Variants in TCF20 observed in about 807,000 individuals in gnomAD.
TCF20 encodes transcription factor 20.
A neutral mutation model predicts 148.6 loss-of-function variants in TCF20; 3 were observed. The ratio of observed to expected loss-of-function variants is 0.02; its 90% CI spans 0.01 to 0.05. The LOEUF (loss-of-function observed/expected upper bound fraction) is 0.05, where lower values mean the gene tolerates loss of function less well. TCF20 is among the 10% of genes least tolerant of loss of function. The pLI, the probability that TCF20 is intolerant of heterozygous loss-of-function variation, is 1.00. For missense variants in TCF20, 2,350 were observed against 2,429.3 expected (o/e 0.97, Z 0.69); for synonymous variants, 1,049 against 909.5 (o/e 1.15, Z -2.76).
chr22:42,216,180 C>T (rs150660649), intron 1 of TCF20, among the ~76,000 whole-genome samples: 1 of 138,494 alleles, frequency 7.2e-6, no homozygotes, highest in African/African-American at 2.7e-5. Flanking sequence ...GCATCAAACA[C>T]CTGGCTTCAA....
At chr22:42,225,000 C>CTTTTT (rs34550174) in intron 1 of TCF20, among the ~76,000 whole-genome samples, 6 of 130,266 alleles carry the variant, frequency 4.6e-5, no homozygotes, top group African/African-American at 8.7e-5. Flanking sequence ...GAAATAATCA[C>CTTTTT]TTTTTTTTTT....
At chr22:42,222,390 G>A (rs965110588) in intron 1 of TCF20, among the ~76,000 whole-genome samples, 3 of 151,794 alleles carry the variant, frequency 2.0e-5, no homozygotes, top group Non-Finnish European at 4.4e-5. Flanking sequence ...TTCCATTCTC[G>A]TCACTGTCAT....
intron 1 of TCF20, among the ~76,000 whole-genome samples, chr22:42,320,548 C>G (rs1002690924): frequency 2.6e-5 from 4 of 152,222 alleles, no homozygotes; most frequent in Non-Finnish European, 5.9e-5. Context: ...ATTTGTCCAT[C>G]AAGTGAACAT....
At chr22:42,217,646 T>TG (rs2147234570) in intron 1 of TCF20, among the ~76,000 whole-genome samples, 1 of 152,260 alleles carries the variant, frequency 6.6e-6, no homozygotes, top group East Asian at 1.9e-4. Flanking sequence ...TATTCAGAGA[T>TG]GGTGCTGTGG....
At chr22:42,324,070 ATGGTGG>A (rs200914746) in intron 1 of TCF20, among the ~76,000 whole-genome samples, 1 of 7,752 alleles carries the variant, frequency 1.3e-4, no homozygotes, top group African/African-American at 3.4e-4. Flanking sequence ...GATGGAGGTT[ATGGTGG>A]TGGTGGTGGT....
At position 42,205,280 on chromosome 22, in the gene TCF20, T is replaced by A. The variant is rs533433406; in HGVS notation, c.5655+4371A>T. ...TGAATAGATTCACAAGTCCCACACTTGTGGGAAGGGAAAAAGGAAGGGAAA... is the reference window on the plus strand; with the variant it reads ...TGAATAGATTCACAAGTCCCACACTAGTGGGAAGGGAAAAAGGAAGGGAAA... On this transcript the variant is annotated intron_variant, in intron 2 of 5. Coordinates refer to ENST00000677622, the MANE Select transcript of TCF20 (RefSeq NM_001378418.1). Among the ~76,000 whole-genome samples, 39 of 136,712 alleles carry A rather than the reference T, an allele frequency of 2.9e-4. 1 individual carries two copies. The South Asian group carries it at 9.0e-3, about 32-fold the overall frequency. 89.7% of individuals were successfully genotyped at this position (136,712 alleles called of 152,430 possible).
intron 2 of TCF20, among the ~76,000 whole-genome samples, chr22:42,187,369 C>A (rs911456964): frequency 2.6e-5 from 4 of 152,172 alleles, no homozygotes; most frequent in Non-Finnish European, 5.9e-5. Context: ...CCCATAAAAG[C>A]CCCAATCAAA....
intron 1 of TCF20, among the ~76,000 whole-genome samples, 84 bp downstream of exon 1, chr22:42,270,255 G>A (rs1276082793): frequency 4.6e-5 from 7 of 151,290 alleles, no homozygotes; most frequent in Non-Finnish European, 8.9e-5. Flanking sequence ...TCTGCTCCCA[G>A]CCCCCGAGGC....
intron 1 of TCF20, among the ~76,000 whole-genome samples, chr22:42,256,215 T>C (rs1177738997): frequency 6.6e-6 from 1 of 152,228 alleles, no homozygotes; most frequent in African/African-American, 2.4e-5. Flanking sequence ...CAATCATTCA[T>C]ACGTTTGATA....
intron 3 of TCF20, among the ~76,000 whole-genome samples, chr22:42,172,633 T>G (rs1364560739): frequency 6.6e-6 from 1 of 152,218 alleles, no homozygotes; most frequent in African/African-American, 2.4e-5. Context: ...ACTAAGCTCC[T>G]CATTATAAGC....
Position 42,190,459 on chromosome 22 carries a change from G to GACAC in TCF20, c.5656-10761_5656-10758dup, listed in dbSNP as rs34881449. ...TGGATGACAGGGCAAGACCTTGACT[G>GACAC]ACACACACACACACACACACCCTGC... On this transcript the variant is annotated intron_variant, in intron 2 of 5. Transcript: ENST00000677622. Among the ~76,000 whole-genome samples the GACAC allele has an allele frequency of 7.2e-3, 1,076 of 149,406 alleles. 10 individuals are homozygous for GACAC. The highest frequency in any genetic ancestry group is 8.9e-3 in the Non-Finnish European group (596 of 67,060).
intron 3 of TCF20, among the ~76,000 whole-genome samples, chr22:42,176,297 G>A (rs1936446037): frequency 6.6e-6 from 1 of 152,176 alleles, no homozygotes; most frequent in African/African-American, 2.4e-5. Context: ...GGGGAGGTAA[G>A]GGCAAGAAGG....
At chr22:42,204,405 G>A (rs770961721) in intron 2 of TCF20, among the ~76,000 whole-genome samples, 2 of 152,162 alleles carry the variant, frequency 1.3e-5, no homozygotes, top group Non-Finnish European at 2.9e-5. Context: ...TGAGACAGGA[G>A]AATCACTTGA....
At chr22:42,189,706 A>C (rs1367815503) in intron 2 of TCF20, among the ~76,000 whole-genome samples, 1 of 152,222 alleles carries the variant, frequency 6.6e-6, no homozygotes, top group African/African-American at 2.4e-5. Context: ...CCCTGCTAGC[A>C]AGCTTTTTTT....
rs145699325 is a variant in TCF20 at position 42,179,681 on chromosome 22, C to T, written c.5677G>A (p.Ala1893Thr). The change falls in exon 3 of 6, where the codon GCA becomes ACA. Residue 1893 changes from alanine (A) to threonine (T), a missense_variant. Physicochemically the swap from Ala to Thr is moderately conservative, Grantham distance 58. This residue lies in a region of TCF20 where 30 missense variants were observed against 59.5 expected (regional missense o/e 0.50). Coordinates refer to ENST00000677622, the MANE Select transcript of TCF20 (RefSeq NM_001378418.1). ...REMKCSHCQE[A>T]GATLGCYNKG... ...TTGTAGCAGCCCAAGGTGGCGCCTG[C>T]CTCCTGGCAGTGGGAACATTTCTGA... is the stretch of plus-strand genomic sequence containing the variant. 4.2e-5 allele frequency: 68 copies of T among 1,613,880 alleles called. No homozygotes were observed. In the African/African-American group the frequency reaches 7.9e-4, roughly 19 times the overall value.
chr22:42,258,952 G>T (rs1162795284), intron 1 of TCF20, among the ~76,000 whole-genome samples: 1 of 152,156 alleles, frequency 6.6e-6, no homozygotes, highest in Non-Finnish European at 1.5e-5. Flanking sequence ...ACTTTAGGAA[G>T]GTCTGACTCC....
intron 1 of TCF20, among the ~76,000 whole-genome samples, chr22:42,325,582 T>C (rs1324270831): frequency 6.6e-6 from 1 of 152,194 alleles, no homozygotes; most frequent in Non-Finnish European, 1.5e-5. Context: ...TGGCCACGTC[T>C]GTGTAGTGAG....
At chr22:42,301,842 G>A (rs969579948) in intron 1 of TCF20, among the ~76,000 whole-genome samples, 5 of 152,240 alleles carry the variant, frequency 3.3e-5, no homozygotes, top group Non-Finnish European at 4.4e-5. Flanking sequence ...GTTCTCCGAG[G>A]AGGAGCACTC....
upstream of TCF20, among the ~76,000 whole-genome samples, chr22:42,273,355 C>A (rs1460675477): frequency 2.1e-5 from 2 of 93,632 alleles, no homozygotes; most frequent in African/African-American, 4.8e-5. Flanking sequence ...AGCAAAACTC[C>A]GTCTCAAAAA....
Sources: gnomAD v4.1 joint callset for allele counts (sites outside exome capture counted in the v4.1 genomes callset) on GRCh38, gnomAD v4.1.1 for gene constraint, gnomAD v4.1.1 regional missense constraint, MANE v1.5 for transcripts, NCBI Gene and HGNC (gene_info 2026-07-23, HGNC 2026-07-21) for gene names.